LRRC37B: variants seen among roughly 807,000 people sequenced by gnomAD.
LRRC37B encodes leucine rich repeat containing 37B, also known as leucine-rich repeat-containing protein 37B.
LRRC37B carries 28 observed loss-of-function variants against 98.3 expected under a neutral mutation model. The observed-to-expected ratio is 0.28, with a 90% CI of 0.21 to 0.39. The LOEUF (loss-of-function observed/expected upper bound fraction) is 0.39. Ranked by LOEUF, LRRC37B falls within the 10% of genes least tolerant of loss-of-function variation. The pLI, the probability that LRRC37B is intolerant of heterozygous loss-of-function variation, is 1.00. For synonymous variants in LRRC37B, 364 were observed against 442.7 expected (o/e 0.82, Z 2.23); for missense variants, 938 against 1,182.7 (o/e 0.79, Z 3.03).
intron 7 of LRRC37B, among the ~76,000 whole-genome samples, chr17:32,039,461 A>ACT (rs1911344020): frequency 1.5e-5 from 2 of 129,612 alleles, no homozygotes; most frequent in African/African-American, 5.8e-5. Context: ...TGGGTGACAG[A>ACT]GCAAGAACCT....
At chr17:32,010,665 C>A (rs973342260) in intron 1 of LRRC37B, among the ~76,000 whole-genome samples, 1 of 152,284 alleles carries the variant, frequency 6.6e-6, no homozygotes, top group Admixed American at 6.5e-5. Context: ...AATGTTCTAG[C>A]TATTTTAAAA....
At chr17:32,035,436 T>C in intron 6 of LRRC37B, 129 bp from the exon 10 acceptor site, 1 of 985,790 alleles carries the variant, frequency 1.0e-6, no homozygotes, top group Middle Eastern at 2.2e-4. Context: ...TTACGGCAAA[T>C]AAACTATTGA....
At chr17:32,053,068 A>G in intron 11 of LRRC37B, 198 bp from the exon 15 acceptor site, 2 of 591,674 alleles carry the variant, frequency 3.4e-6, no homozygotes, top group Non-Finnish European at 6.0e-6. Flanking sequence ...GATATCCTAG[A>G]ACCAGTCCTC....
chr17:32,049,834 C>T (rs2142263565), intron 10 of LRRC37B, among the ~76,000 whole-genome samples, 169 bp from the exon 14 acceptor site: 1 of 152,072 alleles, frequency 6.6e-6, no homozygotes, highest in South Asian at 2.1e-4. Flanking sequence ...CACCACTGTA[C>T]TCCCGCCTGG....
exon 6 of LRRC37B, chr17:32,034,968 G>A (rs769886751): frequency 2.0e-5 from 32 of 1,606,414 alleles, no homozygotes; most frequent in Middle Eastern, 3.3e-4. Flanking sequence ...TGAACTGCCG[G>A]CATTAAAATA....
At chr17:32,021,604 A>G (rs1910788414) in exon 1 of LRRC37B, 1 of 1,614,236 alleles carries the variant, frequency 6.2e-7, no homozygotes, top group Non-Finnish European at 8.5e-7. Context: ...CCTCGCCTCA[A>G]GTGGGTTCAA....
chr17:32,011,547 G>A (rs1258537698), intron 1 of LRRC37B, among the ~76,000 whole-genome samples: 1 of 150,904 alleles, frequency 6.6e-6, no homozygotes, highest in African/African-American at 2.4e-5. Flanking sequence ...GCCCAGAATG[G>A]AGTGCAGTGG....
At chr17:32,047,927 G>A (rs1260848507) in intron 9 of LRRC37B, 26 bp downstream of exon 12, 1 of 1,614,026 alleles carries the variant, frequency 6.2e-7, no homozygotes, top group Non-Finnish European at 8.5e-7. Context: ...CCAATGACGA[G>A]AGTGATGTTA....
At chr17:32,046,833 T>G (rs1015062224) in intron 8 of LRRC37B, among the ~76,000 whole-genome samples, 1 of 152,110 alleles carries the variant, frequency 6.6e-6, no homozygotes, top group Non-Finnish European at 1.5e-5. Context: ...AAAATACTTT[T>G]AATTCTGGAA....
At chr17:32,022,515 C>G (rs1478820065) in exon 1 of LRRC37B, 2 of 1,613,590 alleles carry the variant, frequency 1.2e-6, no homozygotes, top group East Asian at 2.2e-5. Flanking sequence ...AACTCCAGAA[C>G]CCACTACAGA....
chr17:32,017,390 T>C (rs1177996394), upstream of LRRC37B, among the ~76,000 whole-genome samples: 1 of 152,222 alleles, frequency 6.6e-6, no homozygotes, highest in Non-Finnish European at 1.5e-5. Flanking sequence ...AATCATATTG[T>C]GATTGAACAT....
chr17:32,034,545 C>T (rs919886203), intron 5 of LRRC37B, among the ~76,000 whole-genome samples: 1 of 146,842 alleles, frequency 6.8e-6, no homozygotes, highest in East Asian at 2.0e-4. Context: ...TATAGATGAA[C>T]AACTTGTATT....
intron 5 of LRRC37B, among the ~76,000 whole-genome samples, chr17:32,034,693 A>G (rs1423666383): frequency 1.4e-5 from 2 of 144,452 alleles, no homozygotes; most frequent in African/African-American, 5.1e-5. Context: ...TTTTTTTTCT[A>G]TTTCTTCCCT....
chr17:32,051,088 T>C (rs1911743014), intron 11 of LRRC37B: 1 of 152,398 alleles, frequency 6.6e-6, no homozygotes, highest in South Asian at 2.1e-4. Flanking sequence ...TTGCTGCTTA[T>C]CTGTGCCTTT....
chr17:32,040,422 G>A (rs987623027), intron 7 of LRRC37B: 24 of 528,644 alleles, frequency 4.5e-5, no homozygotes, highest in African/African-American at 1.3e-4. Context: ...GAGGTTCTGC[G>A]GCGGGAGGCA....
At chr17:32,034,362 C>T (rs1480065654) in intron 5 of LRRC37B, among the ~76,000 whole-genome samples, 4 of 151,694 alleles carry the variant, frequency 2.6e-5, no homozygotes, top group East Asian at 3.9e-4. Context: ...ATTAGCTGGG[C>T]GTGGTGGTGG....
intron 1 of LRRC37B, 78 bp downstream of exon 4, chr17:32,022,903 T>C (rs1055739987): frequency 7.2e-7 from 1 of 1,396,994 alleles, no homozygotes; most frequent in Non-Finnish European, 1.0e-6. Flanking sequence ...TTCCTGGGCC[T>C]TCTTTATCTC....
In LRRC37B at chr17:32,035,789, A is replaced by G. The variant is rs1380889828; in HGVS notation, c.2204+150A>G. ...GTTTGATGAGTTTTGACAAATGTAT[A>G]GTTACATAACCACCACCACATTCCC... is the stretch of plus-strand genomic sequence containing the variant. On this transcript the variant is annotated intron_variant, in intron 7 of 11. Transcript: ENST00000327564. The G allele has an allele frequency of 3.6e-6, 3 of 825,806 alleles. No homozygotes were observed. In the East Asian group the frequency reaches 9.5e-5, roughly 26 times the overall value. The allele number at this position is 825,806 out of a possible 1,614,324, so 51.2% of individuals were successfully genotyped here.
intron 1 of LRRC37B, among the ~76,000 whole-genome samples, chr17:32,011,966 C>CT (rs1304503361): frequency 1.3e-5 from 2 of 151,728 alleles, no homozygotes; most frequent in Non-Finnish European, 2.9e-5. Context: ...TCCCAGATAT[C>CT]TTTGTTGTTG....
Sources: allele counts gnomAD v4.1 joint callset (sites outside exome capture counted in the v4.1 genomes callset), GRCh38; gene constraint gnomAD v4.1.1; transcripts MANE v1.5; gene names NCBI Gene and HGNC (gene_info 2026-07-23, HGNC 2026-07-21).